Variants in PHEX observed in about 807,000 individuals in gnomAD.
PHEX encodes phosphate regulating endopeptidase X-linked, also known as phosphate-regulating neutral endopeptidase PHEX.
A neutral mutation model predicts 68.0 loss-of-function variants in PHEX; 16 were observed. The observed-to-expected ratio is 0.24, with a 90% CI of 0.16 to 0.36. The LOEUF (loss-of-function observed/expected upper bound fraction) is 0.36. Ranked by LOEUF, PHEX falls within the 10% of genes least tolerant of loss-of-function variation. The pLI, the probability that PHEX is intolerant of heterozygous loss-of-function variation, is 1.00. For synonymous variants in PHEX, 208 were observed against 205.1 expected (o/e 1.01, Z -0.12); for missense variants, 480 against 575.5 (o/e 0.83, Z 1.70).
intron 5 of PHEX, among the ~76,000 whole-genome samples, chrX:22,078,420 GT>G (rs1053274381): frequency 7.1e-5 from 8 of 112,075 alleles, no homozygotes; most frequent in Non-Finnish European, 1.5e-4. Flanking sequence ...GCTGGGTTTT[GT>G]TTTGTTTTGC....
intron 13 of PHEX, among the ~76,000 whole-genome samples, chrX:22,168,712 C>T (rs763384044): frequency 8.9e-6 from 1 of 112,208 alleles, no homozygotes; most frequent in African/African-American, 3.2e-5. Context: ...GTTCTAATGG[C>T]AAATGCATCA....
intron 15 of PHEX, among the ~76,000 whole-genome samples, chrX:22,208,050 C>T (rs747552069): frequency 1.3e-3 from 133 of 101,841 alleles, no homozygotes; most frequent in Middle Eastern, 5.2e-3. Context: ...CCCCACCCCC[C>T]GACAGGCCCC....
intron 1 of PHEX, among the ~76,000 whole-genome samples, chrX:22,036,178 G>C (rs1225641681): frequency 9.6e-6 from 1 of 103,646 alleles, no homozygotes; most frequent in Non-Finnish European, 1.9e-5. Context: ...TCCTGCCTCA[G>C]CCTCCTGAGT....
At chrX:22,224,986 T>TGTTTGATTTATTATCATACAGCG (rs1260080448) in intron 18 of PHEX, among the ~76,000 whole-genome samples, 1 of 43,507 alleles carries the variant, frequency 2.3e-5, no homozygotes, top group Non-Finnish European at 4.6e-5. Context: ...ATCATACAGC[T>TGTTTGATTTATTATCATACAGCG]CTGTATGTCA....
intron 20 of PHEX, among the ~76,000 whole-genome samples, chrX:22,233,362 C>T (rs1221083723): frequency 9.0e-6 from 1 of 111,316 alleles, no homozygotes; most frequent in East Asian, 2.8e-4. Flanking sequence ...GCCTGTCTTG[C>T]TAGGGAGGGG....
chrX:22,222,274 A>G (rs1314644202), intron 18 of PHEX, among the ~76,000 whole-genome samples: 3 of 111,814 alleles, frequency 2.7e-5, no homozygotes, highest in East Asian at 2.8e-4. Flanking sequence ...GGGTGCTTCT[A>G]TGTATCTCTA....
intron 15 of PHEX, among the ~76,000 whole-genome samples, chrX:22,207,187 TG>T (rs1364714914): frequency 8.9e-6 from 1 of 111,743 alleles, no homozygotes; most frequent in Non-Finnish European, 1.9e-5. Flanking sequence ...CAGGTTCTTG[TG>T]GCTTTCCCAG....
intron 1 of PHEX, among the ~76,000 whole-genome samples, chrX:22,036,054 A>AT (rs72347239): frequency 0.013 from 751 of 56,730 alleles, 37 homozygotes; most frequent in African/African-American, 0.025. Context: ...ATATATATAT[A>AT]TTTTTTTTTT....
At chrX:22,137,059 T>G (rs1490498572) in intron 12 of PHEX, among the ~76,000 whole-genome samples, 1 of 110,997 alleles carries the variant, frequency 9.0e-6, no homozygotes, top group Non-Finnish European at 1.9e-5. Context: ...GTTGAATGAG[T>G]GTCAGGTGAT....
intron 15 of PHEX, among the ~76,000 whole-genome samples, chrX:22,201,731 T>C (rs1359301647): frequency 8.9e-6 from 1 of 111,746 alleles, no homozygotes; most frequent in East Asian, 2.8e-4. Context: ...AGGGTATTTC[T>C]AAATGCTGTT....
In PHEX at chrX:22,038,405, G is replaced by A. The variant is rs756708080; in HGVS notation, c.119-64G>A. 1.3e-4 allele frequency: 88 copies of A among 686,851 alleles called. No individual in the cohort carries two copies. The highest frequency in any genetic ancestry group is 8.3e-4 in the South Asian group (39 of 46,756). The allele number at this position is 686,851 out of a possible 1,213,427, so 56.6% of individuals were successfully genotyped here. ...TATCAAATATCTTGCGTATGTTTCCGAGGGTGGTTTACCGGATGGTGGTCT... is the reference window on the plus strand; with the variant it reads ...TATCAAATATCTTGCGTATGTTTCCAAGGGTGGTTTACCGGATGGTGGTCT... On this transcript the variant is annotated intron_variant, in intron 1 of 21. Coordinates refer to ENST00000379374, the MANE Select transcript of PHEX (RefSeq NM_000444.6).
At position 22,221,638 on chromosome X, in the gene PHEX, C is replaced by T. The variant is rs747743987; in HGVS notation, c.1794C>T (p.Asn598=). 6.7e-6 allele frequency: 8 copies of T among 1,200,809 alleles called. No homozygotes were observed. The highest frequency in any genetic ancestry group is 2.2e-5 in the Admixed American group (1 of 45,744). Residue 598 remains asparagine (N), a synonymous_variant, in exon 18 of 22, where the codon AAC becomes AAT. Transcript: ENST00000379374. ...GTAGAAAATATGATAAAAATGGAAACCTGGATCCTTGGTGGTCTACTGAAT... is the reference window on the plus strand; with the variant it reads ...GTAGAAAATATGATAAAAATGGAAATCTGGATCCTTGGTGGTCTACTGAAT... The part of the protein sequence containing the change: ...NNGRKYDKNG[N]LDPWWSTESE...
At chrX:22,139,537 A>G (rs181275228) in intron 12 of PHEX, among the ~76,000 whole-genome samples, 125 of 109,544 alleles carry the variant, frequency 1.1e-3, no homozygotes, top group Admixed American at 2.8e-3. Context: ...GTGCAGTGTT[A>G]CAATCATAGC....
intron 15 of PHEX, among the ~76,000 whole-genome samples, chrX:22,195,152 G>T (rs1371423157): frequency 8.9e-6 from 1 of 111,844 alleles, no homozygotes; most frequent in South Asian, 3.7e-4. Flanking sequence ...TTAATGAGAC[G>T]AATTTGTAAA....
chrX:22,132,400 C>A (rs955288206), intron 11 of PHEX, among the ~76,000 whole-genome samples: 1 of 111,698 alleles, frequency 9.0e-6, no homozygotes, highest in African/African-American at 3.3e-5. Context: ...GAGCCACTGC[C>A]CCTGGCCTAT....
intron 15 of PHEX, among the ~76,000 whole-genome samples, chrX:22,198,944 C>T (rs1489047855): frequency 9.0e-6 from 1 of 111,330 alleles, no homozygotes; most frequent in East Asian, 2.8e-4. Flanking sequence ...AAAGGCATGT[C>T]TTACATGGTG....
At chrX:22,238,952 C>G (rs1160674614) in intron 20 of PHEX, among the ~76,000 whole-genome samples, 1 of 111,809 alleles carries the variant, frequency 8.9e-6, no homozygotes, top group African/African-American at 3.3e-5. Context: ...CCAGTAAGGG[C>G]TGACAAACAT....
intron 9 of PHEX, among the ~76,000 whole-genome samples, chrX:22,109,312 C>T (rs1408185891): frequency 2.7e-5 from 3 of 112,194 alleles, no homozygotes; most frequent in African/African-American, 9.7e-5. Context: ...TAACCAAATC[C>T]TATATGGACA....
At chrX:22,127,212 A>G (rs12009702) in intron 11 of PHEX, among the ~76,000 whole-genome samples, 5,536 of 110,959 alleles carry the variant, frequency 0.05, 340 homozygotes, top group African/African-American at 0.17. Context: ...TGCTTTGCCT[A>G]GAGGGCTCTT....
Sources: gnomAD v4.1 joint callset for allele counts (sites outside exome capture counted in the v4.1 genomes callset) on GRCh38, gnomAD v4.1.1 for gene constraint, MANE v1.5 for transcripts, NCBI Gene and HGNC (gene_info 2026-07-23, HGNC 2026-07-21) for gene names.